The following NPHP4 variants were observed in gnomAD, a reference collection of about 807,000 sequenced individuals.
NPHP4 encodes the protein nephrocystin-4.
Under a neutral mutation model 155.8 loss-of-function variants are expected in NPHP4, and 151 were observed. The observed-to-expected ratio is 0.97, with a 90% confidence interval of 0.85 to 1.11. The LOEUF (loss-of-function observed/expected upper bound fraction) is 1.11. NPHP4 is among the 50% of genes least tolerant of loss of function. The pLI, the probability that NPHP4 is intolerant of heterozygous loss-of-function variation, is 0.00. For synonymous variants in NPHP4, 845 were observed against 816.8 expected (o/e 1.03, Z -0.59); for missense variants, 1,956 against 1,925.7 (o/e 1.02, Z -0.29).
At chr1:5,948,301 G>GGCGAGCTCC in intron 7 of NPHP4, 50 bp from the exon 8 acceptor site, 1 of 1,418,782 alleles carries the variant, frequency 7.0e-7, no homozygotes, top group Non-Finnish European at 9.4e-7. Flanking sequence ...GAAAGAGGGA[G>GGCGAGCTCC]CTCGCCAGAA....
At position 5,872,806 on chromosome 1, in the gene NPHP4, T is replaced by A. The variant is rs532027327; in HGVS notation, c.3315+446A>T. ...GTGTCTCAAGCTCCTCCTGAGAATGTCTCAGCCAGCTGTTGAGAAGCAGGT... is the reference window on the plus strand; with the variant it reads ...GTGTCTCAAGCTCCTCCTGAGAATGACTCAGCCAGCTGTTGAGAAGCAGGT... On this transcript the variant is annotated intron_variant, in intron 23 of 29. Coordinates refer to ENST00000378156, the MANE Select transcript of NPHP4 (RefSeq NM_015102.5). Among the ~76,000 whole-genome samples the A allele has an allele frequency of 7.2e-4, 109 of 152,346 alleles. No individual in the cohort carries two copies. The South Asian group carries it at 0.021, about 30-fold the overall frequency.
At chr1:5,919,225 AC>A in intron 11 of NPHP4, among the ~76,000 whole-genome samples, 1 of 152,372 alleles carries the variant, frequency 6.6e-6, no homozygotes, top group South Asian at 2.1e-4. Context: ...AATTGTAGAA[AC>A]AGAAATCCCA....
At chr1:5,930,254 G>A (rs1396336206) in intron 10 of NPHP4, among the ~76,000 whole-genome samples, 1 of 151,704 alleles carries the variant, frequency 6.6e-6, no homozygotes, top group Non-Finnish European at 1.5e-5. Context: ...TGTTTCACTG[G>A]GTTTTTGCTA....
intron 7 of NPHP4, 24 bp downstream of exon 7, chr1:5,952,676 C>T (rs868203922): frequency 6.5e-7 from 1 of 1,537,412 alleles, no homozygotes; most frequent in Non-Finnish European, 8.8e-7. Context: ...CACCCTGCCC[C>T]CCATCACGCT....
chr1:5,879,798 AAC>A (rs1231853008), intron 19 of NPHP4, among the ~76,000 whole-genome samples: 1,439 of 75,758 alleles, frequency 0.019, 44 homozygotes, highest in African/African-American at 0.057. Flanking sequence ...CACACACGCA[AAC>A]ACACACACAC....
chr1:5,891,895 C>A (rs1386028284), intron 16 of NPHP4, among the ~76,000 whole-genome samples: 1 of 152,182 alleles, frequency 6.6e-6, no homozygotes, highest in Non-Finnish European at 1.5e-5. Context: ...TTTCTCAAGA[C>A]CAGAGGACAA....
intron 23 of NPHP4, among the ~76,000 whole-genome samples, chr1:5,868,956 A>ACAC: frequency 7.6e-6 from 1 of 131,698 alleles, no homozygotes; most frequent in African/African-American, 2.9e-5. Context: ...ACACACACAC[A>ACAC]ATGCACACAC....
chr1:5,963,535 TG>T (rs1056343149), intron 5 of NPHP4, among the ~76,000 whole-genome samples: 3 of 152,130 alleles, frequency 2.0e-5, no homozygotes, highest in African/African-American at 7.2e-5. Flanking sequence ...ACAACCTCTC[TG>T]GGGGCGGGGC....
Position 5,887,442 on chromosome 1 carries a change from C to T in NPHP4, c.2329G>A (p.Ala777Thr). ...TCAAGCTCGTGGGAGGCCTGCACAGCCGGCCGGCCTTGGCGGAGGAGATGC... is the reference window on the plus strand; with the variant it reads ...TCAAGCTCGTGGGAGGCCTGCACAGTCGGCCGGCCTTGGCGGAGGAGATGC... ...MKHLLRQGRPAVQASHELEVV... is the reference protein window; with the variant it reads ...MKHLLRQGRPTVQASHELEVV... The change falls in exon 18 of 30, where the codon GCT becomes ACT. Residue 777 changes from alanine to threonine, a missense_variant. By Grantham distance (58) the Ala-to-Thr change is moderately conservative (BLOSUM62 0). Transcript: ENST00000378156. 1 of 1,613,280 alleles carries T rather than the reference C, an allele frequency of 6.2e-7. No homozygotes were observed. The highest frequency in any genetic ancestry group is 2.2e-5 in the East Asian group (1 of 44,872).
intron 2 of NPHP4, among the ~76,000 whole-genome samples, chr1:5,984,913 C>A (rs767764259): frequency 2.6e-5 from 4 of 152,200 alleles, no homozygotes; most frequent in Admixed American, 6.5e-5. Flanking sequence ...TCGCCCTGGG[C>A]AGCTGGCTTC....
At chr1:5,941,634 G>A (rs1326084349) in intron 9 of NPHP4, among the ~76,000 whole-genome samples, 1 of 152,192 alleles carries the variant, frequency 6.6e-6, no homozygotes, top group Non-Finnish European at 1.5e-5. Flanking sequence ...AGATGAAGAT[G>A]AGCCTGAAGC....
At chr1:5,932,526 C>T (rs1010010184) in intron 10 of NPHP4, among the ~76,000 whole-genome samples, 2 of 152,154 alleles carry the variant, frequency 1.3e-5, no homozygotes, top group East Asian at 1.9e-4. Flanking sequence ...CCTGGGTCAC[C>T]GCTAACCATC....
Position 5,961,870 on chromosome 1 carries a change from G to A in NPHP4, c.597C>T (p.Phe199=), listed in dbSNP as rs1243047813. ...CCAGAAGGTTCTCAGGAAGAAGGTG[G>A]AACGCAGGCTCCAGGGCCGGGTGTG... The part of the protein sequence containing the change: ...LKPHPALEPA[F]HLLPENLLVS... Residue 199 remains phenylalanine (F), a synonymous_variant, in exon 6 of 30, where the codon TTC becomes TTT. Coordinates refer to ENST00000378156, the MANE Select transcript of NPHP4 (RefSeq NM_015102.5). 1.2e-6 allele frequency: 2 copies of A among 1,613,818 alleles called. No individual in the cohort carries two copies. The highest frequency in any genetic ancestry group is 8.5e-7 in the Non-Finnish European group (1 of 1,179,744).
intron 3 of NPHP4, among the ~76,000 whole-genome samples, chr1:5,977,206 C>T (rs553502029): frequency 2.0e-5 from 3 of 152,192 alleles, no homozygotes; most frequent in South Asian, 2.1e-4. Context: ...AAGAGTCAAA[C>T]GTCAGCGTCC....
intron 23 of NPHP4, 114 bp from the exon 24 acceptor site, chr1:5,868,010 A>C: frequency 8.6e-7 from 1 of 1,156,502 alleles, no homozygotes; most frequent in Non-Finnish European, 1.3e-6. Flanking sequence ...CTCACCCTCC[A>C]CTGCCATGAG....
At chr1:5,984,049 G>T (rs908730200) in intron 2 of NPHP4, among the ~76,000 whole-genome samples, 3 of 152,242 alleles carry the variant, frequency 2.0e-5, no homozygotes, top group Non-Finnish European at 4.4e-5. Flanking sequence ...AAAAAATGAG[G>T]TTATTCACTG....
In NPHP4 at chr1:5,870,130, T is replaced by C. The variant is rs557583053; in HGVS notation, c.3316-2234A>G. Among the ~76,000 whole-genome samples the C allele has an allele frequency of 1.3e-4, 20 of 152,178 alleles. 1 individual carries two copies. Among genetic ancestry groups the C allele is most frequent in the African/African-American group, 4.6e-4 (19 of 41,506 alleles). On this transcript the variant is annotated intron_variant, in intron 23 of 29. Transcript: ENST00000378156. ...TCAAATCTTGGTTTCTAAATATCAT[T>C]CTCCAACCAAAGGAACCCGAGCTAA...
In NPHP4 at chr1:5,874,560, C is replaced by T. The variant is rs767810266; in HGVS notation, c.3142G>A (p.Ala1048Thr). Residue 1048 changes from alanine to threonine, a missense_variant, in exon 22 of 30, where the codon GCC becomes ACC. Transcript: ENST00000378156. ...EDMFHLRGSL[A>T]PQLYLRPHET... ...TGGGGGCGCAGGTAGAGCTGGGGGG[C>T]CAGGCTGCCACGCAGGTGGAACATG... The T allele has an allele frequency of 6.2e-6, 10 of 1,605,604 alleles. No individual in the cohort carries two copies. The highest frequency in any genetic ancestry group is 8.5e-6 in the Non-Finnish European group (10 of 1,176,792).
intron 9 of NPHP4, among the ~76,000 whole-genome samples, chr1:5,936,452 G>A (rs558434190): frequency 3.9e-5 from 6 of 152,132 alleles, no homozygotes; most frequent in Non-Finnish European, 8.8e-5. Context: ...CCTAGTGCTT[G>A]AGATGACATC....
Sources: gnomAD v4.1 joint callset for allele counts (sites outside exome capture counted in the v4.1 genomes callset) on GRCh38, gnomAD v4.1.1 for gene constraint, MANE v1.5 for transcripts, NCBI Gene and HGNC (gene_info 2026-07-23, HGNC 2026-07-21) for gene names.